The following VEGFB variants were observed in gnomAD, a reference collection of about 807,000 sequenced individuals.
VEGFB encodes VEGF-related factor.
In VEGFB, 24 loss-of-function variants were observed where a neutral mutation model predicts 22.5. The observed-to-expected ratio is 1.07, with a 90% CI of 0.77 to 1.50. VEGFB has a LOEUF of 1.50. Ranked by LOEUF, VEGFB falls within the 40% of genes most tolerant of loss-of-function variation. The probability of loss-of-function intolerance (pLI) is 0.00; values close to 1 mark genes in which losing one functional copy is unlikely to be tolerated. For synonymous variants in VEGFB, 141 were observed against 117.4 expected (o/e 1.20, Z -1.30); for missense variants, 327 against 287.8 (o/e 1.14, Z -0.99).
At chr11:64,236,819 C>G (rs575814941) in intron 4 of VEGFB, among the ~76,000 whole-genome samples, 13 of 148,930 alleles carry the variant, frequency 8.7e-5, no homozygotes, top group African/African-American at 3.2e-4. Flanking sequence ...TGGCTCACAC[C>G]TATAATCCCA....
chr11:64,237,064 G>A (rs2030106920), intron 4 of VEGFB, 123 bp from the exon 5 acceptor site: 1 of 786,278 alleles, frequency 1.3e-6, no homozygotes, highest in East Asian at 4.7e-5. Context: ...GCCTGGGCAA[G>A]AAGAGGGAAA....
chr11:64,237,267 A>G (rs776073267), intron 5 of VEGFB, 45 bp downstream of exon 5: 8 of 1,574,598 alleles, frequency 5.1e-6, no homozygotes, highest in Middle Eastern at 1.7e-4. Context: ...GGGGAGTACA[A>G]GTGAGTCCAG....
intron 3 of VEGFB, 56 bp downstream of exon 3, chr11:64,236,065 GC>G: frequency 6.5e-7 from 1 of 1,541,132 alleles, no homozygotes. Flanking sequence ...AGGTGGGGCA[GC>G]GGGCAGGGTG....
rs371060224 is a variant in VEGFB, at chr11:64,236,682, A to G, written c.374+355A>G. ...CAGTGAGCCAAGATCGTGCCACTGC[A>G]TTCCAGCCTGGGCGACAGAGCAAGA... On this transcript the variant is annotated intron_variant, in intron 4 of 6. Coordinates refer to ENST00000309422, the MANE Select transcript of VEGFB (RefSeq NM_003377.5). Among the ~76,000 whole-genome samples, 766 of 133,782 alleles carry G rather than the reference A, an allele frequency of 5.7e-3. 5 individuals are homozygous for G. Among genetic ancestry groups the G allele is most frequent in the African/African-American group, 0.02 (717 of 35,788 alleles). 87.8% of individuals were successfully genotyped at this position (133,782 alleles called of 152,430 possible).
intron 4 of VEGFB, among the ~76,000 whole-genome samples, chr11:64,236,916 T>A (rs963240510): frequency 1.5e-4 from 21 of 140,130 alleles, no homozygotes; most frequent in South Asian, 4.7e-4. Flanking sequence ...CCATCTCTAC[T>A]AAAAAAAAAT....
rs147883767 is a variant in VEGFB at position 64,237,185 on chromosome 11, A to C, written c.375-2A>C. 1.2e-6 allele frequency: 2 copies of C among 1,603,796 alleles called. No individual in the cohort carries two copies. Among genetic ancestry groups the C allele is most frequent in the South Asian group, 1.1e-5 (1 of 89,596 alleles). Reference sequence around the variant, plus strand: ...TCTGTGTCTGTCTATCTTACTTTTCAGACCTAAAAAAAAGGACAGTGCTGT... The same window carrying C: ...TCTGTGTCTGTCTATCTTACTTTTCCGACCTAAAAAAAAGGACAGTGCTGT... On this transcript the variant is annotated splice_acceptor_variant, in intron 4 of 6. Transcript: ENST00000309422. LOFTEE classifies it high-confidence loss of function.
chr11:64,237,123 G>GAGAGAGAGAGAGGAGAGAGAGAGAGA (rs1555056104), intron 4 of VEGFB, 64 bp from the exon 5 acceptor site: 1 of 657,984 alleles, frequency 1.5e-6, no homozygotes, highest in East Asian at 3.8e-5. Flanking sequence ...GAGAGAGAGA[G>GAGAGAGAGAGAGGAGAGAGAGAGAGA]TAGGATGCTG....
rs761722109 is a variant in VEGFB at position 64,234,896 on chromosome 11, A to G, written c.60+3A>G. On this transcript the variant is annotated splice_donor_region_variant and intron_variant, in intron 1 of 6. Transcript: ENST00000309422. This position sits in a 1 kb window ranked among gnomAD's most constrained non-coding sequence, Gnocchi z 5.3. ...TCCTGCAGCTGGCCCCCGCCCAGGT[A>G]CGTGCGGCCCGACAGCGCGCCCGCC... 4.6e-6 allele frequency: 6 copies of G among 1,292,818 alleles called. No individual in the cohort carries two copies. The highest frequency in any genetic ancestry group is 5.9e-6 in the Non-Finnish European group (6 of 1,018,210). The allele number at this position is 1,292,818 out of a possible 1,614,324, so 80.1% of individuals were successfully genotyped here. A position where few individuals can be genotyped will look rare whatever the true frequency, so the allele number is the denominator to read the frequency against.
rs1007984509 is a variant in VEGFB at position 64,237,214 on chromosome 11, G to A, written c.402G>A (p.Lys134=). ...CTAAAAAAAAGGACAGTGCTGTGAAGCCAGACAGGTGAGTCTTTTGGACTC... is the reference window on the plus strand; with the variant it reads ...CTAAAAAAAAGGACAGTGCTGTGAAACCAGACAGGTGAGTCTTTTGGACTC... ...CRPKKKDSAV[K]PDRAATPHHR... is the part of the protein sequence containing the mutation. The change falls in exon 5 of 7, where the codon AAG becomes AAA. Residue 134 remains lysine (K), a synonymous_variant. Coordinates refer to ENST00000309422, the MANE Select transcript of VEGFB (RefSeq NM_003377.5). The A allele has an allele frequency of 1.2e-6, 2 of 1,609,100 alleles. No individual in the cohort carries two copies. The highest frequency in any genetic ancestry group is 8.5e-7 in the Non-Finnish European group (1 of 1,176,782).
At chr11:64,237,137 T>C (rs1303210746) in intron 4 of VEGFB, 50 bp from the exon 5 acceptor site, 1 of 1,353,902 alleles carries the variant, frequency 7.4e-7, no homozygotes. Flanking sequence ...GATGCTGGGA[T>C]TTCCTGATCT....
chr11:64,236,844 C>G (rs938781659), intron 4 of VEGFB, among the ~76,000 whole-genome samples: 2 of 149,134 alleles, frequency 1.3e-5, no homozygotes, highest in East Asian at 2.0e-4. Context: ...TTTGGGAGGC[C>G]CAGGCAGGCA....
Position 64,235,926 on chromosome 11 carries a change from G to C in VEGFB, c.217G>C (p.Val73Leu). Residue 73 changes from valine (V) to leucine (L), a missense_variant, in exon 3 of 7, where the codon GTG (valine) becomes CTG (leucine). Val to Leu is a conservative substitution (Grantham distance 32, BLOSUM62 1). Transcript: ENST00000309422. ...GGCCAAACAGCTGGTGCCCAGCTGC[G>C]TGACTGTGCAGCGCTGTGGTGGCTG... ...TVAKQLVPSCVTVQRCGGCCP... is the reference protein window; with the variant it reads ...TVAKQLVPSCLTVQRCGGCCP... 6.2e-7 allele frequency: 1 copy of C among 1,613,460 alleles called. No homozygotes were observed. The highest frequency in any genetic ancestry group is 8.5e-7 in the Non-Finnish European group (1 of 1,179,940).
Position 64,237,421 on chromosome 11 carries a change from G to C in VEGFB, c.412G>C (p.Ala138Pro). The C allele has an allele frequency of 6.3e-7, 1 of 1,588,474 alleles. No homozygotes were observed. The highest frequency in any genetic ancestry group is 1.1e-5 in the South Asian group (1 of 90,076). The change falls in exon 6 of 7, where the codon GCT becomes CCT. Residue 138 changes from alanine to proline, a missense_variant and splice_region_variant. Ala to Pro is a conservative substitution (Grantham distance 27). Coordinates refer to ENST00000309422, the MANE Select transcript of VEGFB (RefSeq NM_003377.5). ...AGACATGTCGCTTCTCCTCCCTAGG[G>C]CTGCCACTCCCCACCACCGTCCCCA... is the stretch of plus-strand genomic sequence containing the variant. The part of the protein sequence containing the change: ...KKDSAVKPDR[A>P]ATPHHRPQPR...
chr11:64,236,652 G>A (rs1306310163), intron 4 of VEGFB, among the ~76,000 whole-genome samples: 1 of 143,992 alleles, frequency 6.9e-6, no homozygotes, highest in Non-Finnish European at 1.5e-5. Context: ...GGGAGGCGTA[G>A]CTTGCAGTGA....
chr11:64,239,228 C>T lies in VEGFB; in HGVS notation c.*895C>T, dbSNP rs555052521. Among the ~76,000 whole-genome samples the T allele has an allele frequency of 1.2e-4, 18 of 152,308 alleles. No homozygotes were observed. The South Asian group carries it at 3.7e-3, about 32-fold the overall frequency. On this transcript the variant is annotated 3_prime_UTR_variant, in exon 7 of 7. Coordinates refer to ENST00000309422, the MANE Select transcript of VEGFB (RefSeq NM_003377.5). The stretch of plus-strand genomic sequence containing the variant: ...CCAGAGAAGTTTGAGACTATCTTTA[C>T]GTAATAGAAAAGAACACTTGTTCTT...
chr11:64,235,408 C>G (rs1184714104), intron 1 of VEGFB, 50 bp from the exon 2 acceptor site: 1 of 1,579,122 alleles, frequency 6.3e-7, no homozygotes, highest in Non-Finnish European at 8.7e-7. Context: ...GGTGACAGGG[C>G]CACACCCTCC....
intron 3 of VEGFB, 21 bp downstream of exon 3, chr11:64,236,030 C>T (rs537779215): frequency 4.2e-5 from 66 of 1,564,710 alleles, no homozygotes; most frequent in South Asian, 4.1e-4. Flanking sequence ...GGTGGGGCAA[C>T]GGGCAGGGGA....
intron 4 of VEGFB, 30 bp from the exon 5 acceptor site, chr11:64,237,157 T>A (rs769603325): frequency 5.1e-6 from 8 of 1,555,912 alleles, no homozygotes; most frequent in Admixed American, 1.7e-5. Context: ...TTCCTCTTGT[T>A]TGTCTGTGTC....
At chr11:64,236,461 A>C in intron 4 of VEGFB, 134 bp downstream of exon 4, 2 of 795,180 alleles carry the variant, frequency 2.5e-6, no homozygotes, top group South Asian at 3.3e-5. Flanking sequence ...CACGCCTGTA[A>C]TCCCAGCACT....
Sources: gnomAD v4.1 joint callset for allele counts (sites outside exome capture counted in the v4.1 genomes callset) on GRCh38, gnomAD v4.1.1 for gene constraint, Gnocchi (gnomAD v3.1) non-coding constraint, MANE v1.5 for transcripts, NCBI Gene and HGNC (gene_info 2026-07-23, HGNC 2026-07-21) for gene names.